ZNF148: variants seen among roughly 807,000 people sequenced by gnomAD.
ZNF148 encodes the protein Beta-Enolase Repressor Factor-1.
In ZNF148, 7 loss-of-function variants were observed where a neutral mutation model predicts 67.7. That is an observed-to-expected ratio of 0.10 (90% CI 0.06 to 0.19). The LOEUF (loss-of-function observed/expected upper bound fraction) is 0.19, where lower values mean the gene tolerates loss of function less well. Ranked by LOEUF, ZNF148 falls within the 10% of genes least tolerant of loss-of-function variation. ZNF148 has a pLI of 1.00. For missense variants in ZNF148, 583 were observed against 947.1 expected (o/e 0.62, Z 5.05); for synonymous variants, 333 against 330.7 (o/e 1.01, Z -0.08).
intron 1 of ZNF148, among the ~76,000 whole-genome samples, chr3:125,366,421 T>A (rs1281774623): frequency 6.6e-6 from 1 of 152,246 alleles, no homozygotes; most frequent in Non-Finnish European, 1.5e-5. Context: ...CCTTGTATTA[T>A]ACCTTATTCA....
At chr3:125,373,334 G>A (rs1048740255) in intron 1 of ZNF148, among the ~76,000 whole-genome samples, 13 of 150,900 alleles carry the variant, frequency 8.6e-5, no homozygotes, top group East Asian at 2.0e-4. Context: ...CAGGTGATCC[G>A]CTCGCCTCGG....
At chr3:125,355,515 G>A (rs948927686) in intron 1 of ZNF148, among the ~76,000 whole-genome samples, 1 of 152,132 alleles carries the variant, frequency 6.6e-6, no homozygotes, top group South Asian at 2.1e-4. Context: ...TTCCAGACAA[G>A]GGAAAAAGAA....
intron 1 of ZNF148, chr3:125,357,289 C>T: frequency 6.6e-6 from 1 of 152,384 alleles, no homozygotes; most frequent in Non-Finnish European, 1.4e-5. Flanking sequence ...CCTCCTCCTC[C>T]CTGCAGAGGG....
At chr3:125,369,189 G>A (rs1329524249) in intron 1 of ZNF148, among the ~76,000 whole-genome samples, 1 of 146,020 alleles carries the variant, frequency 6.8e-6, no homozygotes, top group Non-Finnish European at 1.5e-5. Flanking sequence ...TTGAACTCAG[G>A]AGGCGGAGGT....
At chr3:125,374,619 C>T (rs1372127422) in intron 1 of ZNF148, among the ~76,000 whole-genome samples, 1 of 152,098 alleles carries the variant, frequency 6.6e-6, no homozygotes, top group Non-Finnish European at 1.5e-5. Flanking sequence ...TTCCTGCAAG[C>T]ATTCCCTTTT....
At chr3:125,344,668 T>A in intron 1 of ZNF148, 1 of 663,840 alleles carries the variant, frequency 1.5e-6, no homozygotes, top group East Asian at 2.7e-5. Context: ...CTTGTTTTGA[T>A]TTTCTCTCTG....
chr3:125,293,410 G>A (rs1302788533), intron 4 of ZNF148, among the ~76,000 whole-genome samples: 1 of 152,088 alleles, frequency 6.6e-6, no homozygotes, highest in African/African-American at 2.4e-5. Context: ...GAAAAGCAAC[G>A]ACACCCAACA....
chr3:125,263,903 T>C (rs931866878), intron 7 of ZNF148, among the ~76,000 whole-genome samples: 2 of 152,194 alleles, frequency 1.3e-5, no homozygotes, highest in African/African-American at 4.8e-5. Flanking sequence ...TTCAGCCCCA[T>C]TCTCCTCAAC....
chr3:125,232,072 T>C lies in ZNF148; in HGVS notation c.*269A>G. The C allele has an allele frequency of 3.0e-6, 1 of 330,370 alleles. No homozygotes were observed. The highest frequency in any genetic ancestry group is 2.1e-5 in the African/African-American group (1 of 47,172). 20.5% of individuals were successfully genotyped at this position (330,370 alleles called of 1,614,324 possible). ...TGTGCGAAAGTCTTTTTTTTTTCCT[T>C]TTTAACTTGGTGTGGGTGGAATAGC... On this transcript the variant is annotated 3_prime_UTR_variant, in exon 9 of 9. Transcript: ENST00000360647. The surrounding 1 kb of genome is among the most constrained non-coding windows in gnomAD (Gnocchi z 4.2).
intron 7 of ZNF148, among the ~76,000 whole-genome samples, chr3:125,251,007 C>T (rs1936817849): frequency 1.3e-5 from 2 of 152,292 alleles, no homozygotes; most frequent in South Asian, 4.1e-4. Context: ...AATTTTATTT[C>T]GTCTAACCCT....
intron 7 of ZNF148, among the ~76,000 whole-genome samples, chr3:125,238,175 T>C (rs955628616): frequency 6.6e-6 from 1 of 151,994 alleles, no homozygotes. Flanking sequence ...CCTAAAACTA[T>C]AAAAATGGTA....
chr3:125,232,636 G>C lies in ZNF148; in HGVS notation c.2090C>G (p.Ala697Gly). The change falls in exon 9 of 9, where the codon GCT becomes GGT. Residue 697 changes from alanine to glycine, a missense_variant. This residue lies in a region of ZNF148 where 158 missense variants were observed against 208.4 expected (regional missense o/e 0.76). Coordinates refer to ENST00000360647, the MANE Select transcript of ZNF148 (RefSeq NM_021964.3). The surrounding 1 kb of genome is among the most constrained non-coding windows in gnomAD (Gnocchi z 4.2). ...AAAGTCCTGTGTTGATGTGGCAGAA[G>C]CATGGTTTGTCTCATCACCTGAAAA... ...FPFSGDETNH[A>G]SATSTQDFLD... 6.2e-7 allele frequency: 1 copy of C among 1,613,836 alleles called. No individual in the cohort carries two copies. Among genetic ancestry groups the C allele is most frequent in the South Asian group, 1.1e-5 (1 of 91,086 alleles).
chr3:125,262,303 T>A (rs1290639620), intron 7 of ZNF148, among the ~76,000 whole-genome samples: 1 of 152,172 alleles, frequency 6.6e-6, no homozygotes. Context: ...AATTAAAGAG[T>A]AGGCAGAGTT....
Position 125,231,839 on chromosome 3 carries a change from TG to T in ZNF148, c.*501del, listed in dbSNP as rs1308574439. 6.6e-6 allele frequency: 1 copy of T among 152,298 alleles called. No homozygotes were observed. The highest frequency in any genetic ancestry group is 1.5e-5 in the Non-Finnish European group (1 of 68,272). The allele number at this position is 152,298 out of a possible 1,614,324, so 9.4% of individuals were successfully genotyped here. On this transcript the variant is annotated 3_prime_UTR_variant, in exon 9 of 9. Transcript: ENST00000360647. ...TCATTCTTTTTAAAAGGTGGTTTCTTGGTTTTTTTCCCCCTATAGGACACAC... is the reference window on the plus strand; with the variant it reads ...TCATTCTTTTTAAAAGGTGGTTTCTTGTTTTTTTCCCCCTATAGGACACAC...
At chr3:125,343,549 C>CCAATCAGCGCTCTGTAAAA (rs1354226317) in intron 1 of ZNF148, among the ~76,000 whole-genome samples, 2 of 150,476 alleles carry the variant, frequency 1.3e-5, no homozygotes, top group African/African-American at 4.9e-5. Flanking sequence ...GTAAAACACA[C>CCAATCAGCGCTCTGTAAAA]CAATCAGCGC....
At chr3:125,359,078 A>C (rs1489384752) in intron 1 of ZNF148, among the ~76,000 whole-genome samples, 1 of 152,210 alleles carries the variant, frequency 6.6e-6, no homozygotes, top group Non-Finnish European at 1.5e-5. Context: ...GTCCAGTCTG[A>C]GGCACATCCT....
At chr3:125,362,360 TC>T (rs1333296396) in intron 1 of ZNF148, among the ~76,000 whole-genome samples, 3 of 152,168 alleles carry the variant, frequency 2.0e-5, no homozygotes, top group Admixed American at 2.0e-4. Flanking sequence ...TTGTTGTTCT[TC>T]CTTCTCAAAC....
At chr3:125,339,989 A>G (rs78335523) in intron 1 of ZNF148, among the ~76,000 whole-genome samples, 1,667 of 152,252 alleles carry the variant, frequency 0.011, 28 homozygotes, top group African/African-American at 0.038. Flanking sequence ...AATGGCCTAG[A>G]TCTGTTCTCC....
Position 125,226,774 on chromosome 3 carries a change from G to A in ZNF148, c.*5567C>T, listed in dbSNP as rs571749290. 6 of 152,622 alleles carry A rather than the reference G, an allele frequency of 3.9e-5. No individual in the cohort carries two copies. The East Asian group carries it at 1.2e-3, about 29-fold the overall frequency. 9.5% of individuals were successfully genotyped at this position (152,622 alleles called of 1,614,324 possible). On this transcript the variant is annotated 3_prime_UTR_variant, in exon 9 of 9. Transcript: ENST00000360647. ...TTGTTTAAAAACAATTCTATTTGGA[G>A]AGCAAAATATTTTAAAATATATCGA... is the stretch of plus-strand genomic sequence containing the variant.
Sources: gnomAD v4.1 joint callset for allele counts (sites outside exome capture counted in the v4.1 genomes callset) on GRCh38, gnomAD v4.1.1 for gene constraint, gnomAD v4.1.1 regional missense constraint, Gnocchi (gnomAD v3.1) non-coding constraint, MANE v1.5 for transcripts, NCBI Gene and HGNC (gene_info 2026-07-23, HGNC 2026-07-21) for gene names.